CDH22: variants seen among roughly 807,000 people sequenced by gnomAD.
CDH22 encodes the protein cadherin 22.
CDH22 carries 30 observed loss-of-function variants against 58.4 expected under a neutral mutation model. That is an observed-to-expected ratio of 0.51 (90% CI 0.38 to 0.70). CDH22 has a LOEUF of 0.70. Ranked by LOEUF, CDH22 falls within the 30% of genes least tolerant of loss-of-function variation. CDH22 has a pLI of 0.00. For synonymous variants in CDH22, 513 were observed against 558.2 expected (o/e 0.92, Z 1.14); for missense variants, 1,014 against 1,233.9 (o/e 0.82, Z 2.67).
chr20:46,199,358 C>G (rs1317998471), intron 8 of CDH22, 65 bp downstream of exon 8: 1 of 1,558,558 alleles, frequency 6.4e-7, no homozygotes, highest in South Asian at 1.2e-5. Flanking sequence ...CCCTTGGCCC[C>G]TCCCTTCAGC....
intron 3 of CDH22, among the ~76,000 whole-genome samples, chr20:46,236,671 A>ATCTC (rs2086255740): frequency 7.3e-6 from 1 of 137,822 alleles, no homozygotes; most frequent in Non-Finnish European, 1.5e-5. Context: ...CTATCTATCT[A>ATCTC]TCTATCTATC....
At chr20:46,238,417 A>G (rs1023492946) in intron 3 of CDH22, among the ~76,000 whole-genome samples, 4 of 152,178 alleles carry the variant, frequency 2.6e-5, no homozygotes, top group African/African-American at 9.6e-5. Flanking sequence ...CTGAAATTCC[A>G]TATGTCTTTG....
At chr20:46,177,177 A>T (rs2085747040) in intron 11 of CDH22, among the ~76,000 whole-genome samples, 1 of 152,178 alleles carries the variant, frequency 6.6e-6, no homozygotes, top group Non-Finnish European at 1.5e-5. Context: ...GAGGCAGCTG[A>T]CATCTCCCAG....
rs1054414304 is a variant in CDH22, at chr20:46,210,800, C to G, written c.1033-240G>C. On this transcript the variant is annotated intron_variant, in intron 6 of 11. Coordinates refer to ENST00000537909, the MANE Select transcript of CDH22 (RefSeq NM_021248.3). This position sits in a 1 kb window ranked among gnomAD's most constrained non-coding sequence, Gnocchi z 4.5. ...AGGACACAGCCACTCCAGGCTAACG[C>G]GCTGAGCACCCAAACTTCCTGCTTC... Among the ~76,000 whole-genome samples, 1 of 152,210 alleles carries G rather than the reference C, an allele frequency of 6.6e-6. No individual in the cohort carries two copies. The highest frequency in any genetic ancestry group is 1.5e-5 in the Non-Finnish European group (1 of 68,042).
At chr20:46,208,347 C>T (rs1785226855) in intron 7 of CDH22, among the ~76,000 whole-genome samples, 1 of 152,238 alleles carries the variant, frequency 6.6e-6, no homozygotes, top group Admixed American at 6.5e-5. Context: ...GGGACCCCAG[C>T]TGCCCCATCC....
intron 3 of CDH22, among the ~76,000 whole-genome samples, chr20:46,237,638 T>TC (rs1214392071): frequency 8.6e-5 from 13 of 151,474 alleles, no homozygotes; most frequent in Non-Finnish European, 1.5e-4. Context: ...TCAAATTGAG[T>TC]CCCCCCCACT....
chr20:46,301,355 T>C (rs1347511129), intron 1 of CDH22, among the ~76,000 whole-genome samples: 1 of 152,124 alleles, frequency 6.6e-6, no homozygotes, highest in Non-Finnish European at 1.5e-5. Context: ...ATTTTCTAGA[T>C]GAGGAAACAG....
At chr20:46,256,079 G>A (rs1284300738) in intron 1 of CDH22, among the ~76,000 whole-genome samples, 1 of 152,208 alleles carries the variant, frequency 6.6e-6, no homozygotes, top group Admixed American at 6.5e-5. Context: ...GTGCGAACAT[G>A]TGTCTGCAGT....
chr20:46,236,040 C>T (rs1219721115), intron 3 of CDH22, among the ~76,000 whole-genome samples: 3 of 152,140 alleles, frequency 2.0e-5, no homozygotes, highest in African/African-American at 4.8e-5. Flanking sequence ...CACAGACCTC[C>T]GTGCTATTCC....
chr20:46,260,879 C>G (rs1290191877), intron 1 of CDH22, among the ~76,000 whole-genome samples: 1 of 152,238 alleles, frequency 6.6e-6, no homozygotes, highest in Non-Finnish European at 1.5e-5. Flanking sequence ...TTTCTGTCCT[C>G]TCACTCTGCC....
chr20:46,307,000 GGAGA>G (rs1314276491), intron 1 of CDH22, among the ~76,000 whole-genome samples: 1 of 152,196 alleles, frequency 6.6e-6, no homozygotes, highest in African/African-American at 2.4e-5. Context: ...GGGTGGAGAG[GGAGA>G]GAGAGCTGGC....
chr20:46,262,110 TC>T (rs1345172631), intron 1 of CDH22, among the ~76,000 whole-genome samples: 1 of 152,028 alleles, frequency 6.6e-6, no homozygotes, highest in Non-Finnish European at 1.5e-5. Context: ...GGGTGTCTAC[TC>T]TTCGTGTGCT....
chr20:46,232,169 T>C (rs962931195), intron 3 of CDH22, among the ~76,000 whole-genome samples: 1 of 152,204 alleles, frequency 6.6e-6, no homozygotes, highest in Non-Finnish European at 1.5e-5. Context: ...TTCTTTTTTT[T>C]TCTTATCCCT....
At chr20:46,192,710 C>T (rs927277851) in intron 8 of CDH22, among the ~76,000 whole-genome samples, 3 of 152,006 alleles carry the variant, frequency 2.0e-5, no homozygotes, top group African/African-American at 4.8e-5. Flanking sequence ...CCCTCCTCCC[C>T]GAGGGAGTTA....
At chr20:46,243,534 G>A (rs1381295636) in intron 2 of CDH22, among the ~76,000 whole-genome samples, 1 of 152,140 alleles carries the variant, frequency 6.6e-6, no homozygotes, top group Non-Finnish European at 1.5e-5. Context: ...TGGCTGGATT[G>A]TAAAAACCTC....
chr20:46,198,061 C>T (rs1038523174), intron 8 of CDH22, among the ~76,000 whole-genome samples: 1 of 152,028 alleles, frequency 6.6e-6, no homozygotes, highest in Admixed American at 6.5e-5. Context: ...TCTGTTGATG[C>T]CTGAGACCTT....
intron 1 of CDH22, among the ~76,000 whole-genome samples, chr20:46,263,574 C>T (rs1462996585): frequency 6.6e-6 from 1 of 152,108 alleles, no homozygotes; most frequent in Non-Finnish European, 1.5e-5. Context: ...GACACTACCT[C>T]ATTAGGGATG....
chr20:46,223,614 TTTTC>T (rs912037380), intron 4 of CDH22, among the ~76,000 whole-genome samples: 7 of 149,136 alleles, frequency 4.7e-5, no homozygotes, highest in East Asian at 3.9e-4. Flanking sequence ...ATTTCTTTCT[TTTTC>T]TTTCTTTCTT....
chr20:46,191,344 T>C (rs138796801), intron 8 of CDH22, among the ~76,000 whole-genome samples: 186 of 152,134 alleles, frequency 1.2e-3, no homozygotes, highest in African/African-American at 4.3e-3. Context: ...ATAATGAGAC[T>C]CTGGATCTCT....
Sources: allele counts gnomAD v4.1 joint callset (sites outside exome capture counted in the v4.1 genomes callset), GRCh38; gene constraint gnomAD v4.1.1; non-coding constraint Gnocchi (gnomAD v3.1); transcripts MANE v1.5; gene names NCBI Gene and HGNC (gene_info 2026-07-23, HGNC 2026-07-21).